The following COL4A1 variants were observed in gnomAD, a reference collection of about 807,000 sequenced individuals.
COL4A1 encodes the protein collagen alpha-1(IV) chain.
In COL4A1, 40 loss-of-function variants were observed where a neutral mutation model predicts 216.6. The ratio of observed to expected loss-of-function variants is 0.18; its 90% CI spans 0.14 to 0.24. COL4A1 has a LOEUF of 0.24. Ranked by LOEUF, COL4A1 falls within the 10% of genes least tolerant of loss-of-function variation. The pLI is 1.00. For missense variants in COL4A1, 1,628 were observed against 2,196.8 expected, an observed-to-expected ratio of 0.74 and a Z score of 5.18; for synonymous variants, 839 against 810.7, an observed-to-expected ratio of 1.03 and a Z score of -0.59.
In COL4A1 at chr13:110,212,426, A is replaced by G. The variant is rs1444869109; in HGVS notation, c.378T>C (p.Asn126=). 6.2e-7 allele frequency: 1 copy of G among 1,613,846 alleles called. No individual in the cohort carries two copies. Among genetic ancestry groups the G allele is most frequent in the Admixed American group, 1.7e-5 (1 of 60,006 alleles). Residue 126 remains asparagine (N), a synonymous_variant, in exon 6 of 52, where the codon AAT becomes AAC. Transcript: ENST00000375820. The stretch of plus-strand genomic sequence containing the variant: ...TCGGTTCTGGATTTACCTTTGTGCC[A>G]TTGCATCCTGGAATACCTGGGGGGC... ...PPGPPGIPGC[N]GTKGERGPLG...
intron 42 of COL4A1, 22 bp from the exon 43 acceptor site, chr13:110,169,784 A>G: frequency 6.2e-7 from 1 of 1,613,754 alleles, no homozygotes; most frequent in South Asian, 1.1e-5. Context: ...GAAGAAAGCC[A>G]CACATTTGGG....
At chr13:110,253,260 G>T (rs1369062971) in intron 1 of COL4A1, among the ~76,000 whole-genome samples, 2 of 123,474 alleles carry the variant, frequency 1.6e-5, no homozygotes, top group East Asian at 2.2e-4. Context: ...CATATAATTA[G>T]GTATATATAC....
chr13:110,274,968 C>T (rs1196137500), intron 1 of COL4A1, among the ~76,000 whole-genome samples: 2 of 152,162 alleles, frequency 1.3e-5, no homozygotes, highest in Non-Finnish European at 2.9e-5. Context: ...AATCCTTGCT[C>T]GCAGCCGTCA....
chr13:110,219,878 G>GTA (rs1175003464), intron 2 of COL4A1, among the ~76,000 whole-genome samples: 3 of 87,060 alleles, frequency 3.4e-5, no homozygotes, highest in East Asian at 4.8e-4. Context: ...GTGTATATAT[G>GTA]TATATATATG....
intron 11 of COL4A1, 120 bp downstream of exon 11, chr13:110,209,268 TTAGA>T (rs1389597308): frequency 8.6e-6 from 6 of 699,956 alleles, no homozygotes; most frequent in South Asian, 1.8e-5. Flanking sequence ...AAAGGTATAG[TTAGA>T]TATAGTGTTA....
chr13:110,230,121 G>A (rs950982234), intron 2 of COL4A1, among the ~76,000 whole-genome samples: 4 of 22,430 alleles, frequency 1.8e-4, no homozygotes, highest in African/African-American at 5.1e-4. Flanking sequence ...TTCAGGCCAC[G>A]TGGTGGAGGG....
intron 1 of COL4A1, among the ~76,000 whole-genome samples, chr13:110,286,360 G>T (rs1399470079): frequency 6.6e-6 from 1 of 152,178 alleles, no homozygotes; most frequent in East Asian, 1.9e-4. Context: ...GAGTAGGAGG[G>T]CTGAGCAGGC....
Position 110,192,232 on chromosome 13 carries a change from A to G in COL4A1, c.1518T>C (p.Asp506=). The G allele has an allele frequency of 6.2e-7, 1 of 1,614,142 alleles. No individual in the cohort carries two copies. Among genetic ancestry groups the G allele is most frequent in the Non-Finnish European group, 8.5e-7 (1 of 1,180,006 alleles). ...TACTTACTGGCACTCCTGCAACACC[A>G]TCTCTGCCAGGCAAACCTCTGTCGC... is the stretch of plus-strand genomic sequence containing the variant. ...AKGDRGLPGR[D]GVAGVPGPQG... Residue 506 remains aspartate (D), a synonymous_variant, in exon 24 of 52, where the codon GAT becomes GAC. Coordinates refer to ENST00000375820, the MANE Select transcript of COL4A1 (RefSeq NM_001845.6).
In COL4A1 at chr13:110,199,321, G is replaced by A. The variant is rs117183855; in HGVS notation, c.1121-690C>T. Among the ~76,000 whole-genome samples the A allele has an allele frequency of 1.5e-3, 233 of 152,304 alleles. 1 individual carries two copies. The highest frequency in any genetic ancestry group is 2.4e-3 in the Non-Finnish European group (164 of 68,028). On this transcript the variant is annotated intron_variant, in intron 20 of 51. Transcript: ENST00000375820. ...GGAGAGTGTGAGAAAAAGGACAGTC[G>A]AGGGAAACAGGACGCAGGAAGACTT...
In COL4A1 at chr13:110,212,557, A is replaced by C. The variant is rs761825883; in HGVS notation, c.324+17T>G. 6.2e-7 allele frequency: 1 copy of C among 1,614,230 alleles called. No homozygotes were observed. The highest frequency in any genetic ancestry group is 8.5e-7 in the Non-Finnish European group (1 of 1,180,042). ...GAATATTTCATAAAAGAAGTAGAGC[A>C]CGTTTTCTATACATACGGGAAGTCC... is the stretch of plus-strand genomic sequence containing the variant. On this transcript the variant is annotated intron_variant, in intron 5 of 51. Transcript: ENST00000375820.
rs78891993 is a variant in COL4A1 at position 110,290,653 on chromosome 13, C to T, written c.84+16291G>A. ...CATCCCTGTCCACACCTCCACCAGA[C>T]CCACTCTCCACCCCACTTTTATTTT... On this transcript the variant is annotated intron_variant, in intron 1 of 51. Transcript: ENST00000375820. Among the ~76,000 whole-genome samples the T allele has an allele frequency of 7.9e-3, 1,198 of 152,318 alleles. 16 individuals carry two copies. Among genetic ancestry groups the T allele is most frequent in the African/African-American group, 0.027 (1,116 of 41,566 alleles).
At chr13:110,200,712 C>T (rs1354498903) in intron 20 of COL4A1, 142 bp downstream of exon 20, 1 of 914,194 alleles carries the variant, frequency 1.1e-6, no homozygotes, top group African/African-American at 1.6e-5. Context: ...GTCTACTCTG[C>T]TTTCATCACT....
At chr13:110,165,603 C>T (rs902071866) in intron 45 of COL4A1, among the ~76,000 whole-genome samples, 1 of 151,752 alleles carries the variant, frequency 6.6e-6, no homozygotes, top group African/African-American at 2.4e-5. Context: ...CTTCCACACA[C>T]CCTCCCTCCC....
rs1876405289 is a variant in COL4A1, at chr13:110,149,543, A to T, written c.*820T>A. On this transcript the variant is annotated 3_prime_UTR_variant, in exon 52 of 52. Coordinates refer to ENST00000375820, the MANE Select transcript of COL4A1 (RefSeq NM_001845.6). ...TTTGGCAACACATAATTTTTGGTTTAGAAGTGAACAATGAAAACGGATGTT... is the reference window on the plus strand; with the variant it reads ...TTTGGCAACACATAATTTTTGGTTTTGAAGTGAACAATGAAAACGGATGTT... 1 of 152,678 alleles carries T rather than the reference A, an allele frequency of 6.5e-6. No individual in the cohort carries two copies. Among genetic ancestry groups the T allele is most frequent in the Non-Finnish European group, 1.5e-5 (1 of 68,046 alleles). 9.5% of individuals were successfully genotyped at this position (152,678 alleles called of 1,614,324 possible). A position where few individuals can be genotyped will look rare whatever the true frequency, so the allele number is the denominator to read the frequency against.
At position 110,209,421 on chromosome 13, in the gene COL4A1, G is replaced by C. The variant is rs745499949; in HGVS notation, c.622C>G (p.Pro208Ala). Reference sequence around the variant, plus strand: ...TCACCTGGAGGGCCGGGAGGGCCTGGGGGACCCTGGGAGAGACAGCATTTT... The same window carrying C: ...TCACCTGGAGGGCCGGGAGGGCCTGCGGGACCCTGGGAGAGACAGCATTTT... ...PPGFTGPPGP[P>A]GPPGPPGEKG... Residue 208 changes from proline (P) to alanine (A), a missense_variant, in exon 11 of 52, where the codon CCA becomes GCA. Physicochemically the swap from Pro to Ala is conservative, Grantham distance 27. Transcript: ENST00000375820. 2.0e-5 allele frequency: 32 copies of C among 1,607,888 alleles called. No individual in the cohort carries two copies. Among genetic ancestry groups the C allele is most frequent in the Non-Finnish European group, 2.5e-5 (29 of 1,177,372 alleles).
intron 26 of COL4A1, among the ~76,000 whole-genome samples, chr13:110,184,707 G>GTGTGTGT (rs1566357486): frequency 2.1e-5 from 3 of 145,456 alleles, no homozygotes; most frequent in Admixed American, 6.7e-5. Flanking sequence ...TGTGTGTTTT[G>GTGTGTGT]TTTGTTTGTT....
At position 110,207,067 on chromosome 13, in the gene COL4A1, G is replaced by T. The variant is rs914958775; in HGVS notation, c.781-176C>A. On this transcript the variant is annotated intron_variant, in intron 13 of 51. Coordinates refer to ENST00000375820, the MANE Select transcript of COL4A1 (RefSeq NM_001845.6). The surrounding 1 kb of genome is among the most constrained non-coding windows in gnomAD (Gnocchi z 4.4). ...ACTGGTATAAATGTAAGCAGGGCAG[G>T]GTTTATCATGCTTGACCCATGATGA... Among the ~76,000 whole-genome samples, 2 of 152,080 alleles carry T rather than the reference G, an allele frequency of 1.3e-5. No individual in the cohort carries two copies. The highest frequency in any genetic ancestry group is 4.8e-5 in the African/African-American group (2 of 41,416).
chr13:110,263,275 A>T (rs1882898435), intron 1 of COL4A1, among the ~76,000 whole-genome samples: 1 of 152,170 alleles, frequency 6.6e-6, no homozygotes, highest in Non-Finnish European at 1.5e-5. Flanking sequence ...CAAAATCAGG[A>T]ACGGAGGTTC....
chr13:110,275,882 C>T (rs1883408941), intron 1 of COL4A1, among the ~76,000 whole-genome samples: 1 of 152,036 alleles, frequency 6.6e-6, no homozygotes, highest in South Asian at 2.1e-4. Flanking sequence ...CAAGAGGATC[C>T]ATAGTTTGCC....
Sources: allele counts gnomAD v4.1 joint callset (sites outside exome capture counted in the v4.1 genomes callset), GRCh38; gene constraint gnomAD v4.1.1; non-coding constraint Gnocchi (gnomAD v3.1); transcripts MANE v1.5; gene names NCBI Gene and HGNC (gene_info 2026-07-23, HGNC 2026-07-21).